The following ZFPM2 variants were observed in gnomAD, a reference collection of about 807,000 sequenced individuals.
The protein encoded by ZFPM2 is zinc finger protein, FOG family member 2, also known as zinc finger protein ZFPM2.
ZFPM2 carries 20 observed loss-of-function variants against 98.6 expected under a neutral mutation model. The observed-to-expected ratio is 0.20, with a 90% CI of 0.14 to 0.29. The LOEUF is 0.29. ZFPM2 is among the 10% of genes least tolerant of loss of function. ZFPM2 has a pLI of 1.00. For missense variants in ZFPM2, 1,310 were observed against 1,388.6 expected (o/e 0.94, Z 0.90); for synonymous variants, 518 against 502.7 (o/e 1.03, Z -0.41).
intron 5 of ZFPM2, among the ~76,000 whole-genome samples, chr8:105,734,230 G>A (rs1022212315): frequency 7.9e-5 from 12 of 151,828 alleles, no homozygotes; most frequent in African/African-American, 2.2e-4. Context: ...CCCCACCAGC[G>A]ATGACATATC....
At chr8:105,339,671 TC>T (rs1164703078) in intron 1 of ZFPM2, among the ~76,000 whole-genome samples, 1 of 151,894 alleles carries the variant, frequency 6.6e-6, no homozygotes, top group African/African-American at 2.4e-5. Context: ...AGTAGTTAGA[TC>T]AGAGTTGAAC....
chr8:105,763,240 C>G (rs895277183), intron 5 of ZFPM2, among the ~76,000 whole-genome samples: 1 of 151,666 alleles, frequency 6.6e-6, no homozygotes, highest in Non-Finnish European at 1.5e-5. Flanking sequence ...TTCTAGCATA[C>G]AGAATATTAG....
chr8:105,609,386 T>G (rs1355729486), intron 4 of ZFPM2, among the ~76,000 whole-genome samples: 3 of 152,134 alleles, frequency 2.0e-5, no homozygotes, highest in African/African-American at 7.2e-5. Context: ...AGTGGAAACT[T>G]ATCAAGTCAT....
At chr8:105,500,860 T>C (rs1357689355) in intron 3 of ZFPM2, among the ~76,000 whole-genome samples, 4 of 152,260 alleles carry the variant, frequency 2.6e-5, no homozygotes, top group African/African-American at 9.6e-5. Context: ...AAGGCAAATA[T>C]GTAGATGTCT....
At chr8:105,748,167 GAAAGGATA>G (rs1812391867) in intron 5 of ZFPM2, among the ~76,000 whole-genome samples, 1 of 151,996 alleles carries the variant, frequency 6.6e-6, no homozygotes. Flanking sequence ...ATAAAAGTTG[GAAAGGATA>G]AAAGGCTTTA....
intron 3 of ZFPM2, among the ~76,000 whole-genome samples, chr8:105,486,015 A>G (rs1813224297): frequency 6.6e-6 from 1 of 152,078 alleles, no homozygotes; most frequent in Non-Finnish European, 1.5e-5. Flanking sequence ...TGAGCTTTGG[A>G]TGACTCACAT....
intron 6 of ZFPM2, among the ~76,000 whole-genome samples, chr8:105,789,841 G>A (rs1232509938): frequency 2.0e-5 from 3 of 151,294 alleles, no homozygotes; most frequent in Admixed American, 6.6e-5. Flanking sequence ...GCCAGTGATG[G>A]TGAGCATTTT....
chr8:105,620,874 G>C lies in ZFPM2; in HGVS notation c.421-13372G>C, dbSNP rs918392790. Among the ~76,000 whole-genome samples the C allele has an allele frequency of 1.2e-4, 18 of 152,156 alleles. 1 individual carries two copies. Among genetic ancestry groups the C allele is most frequent in the South Asian group, 6.2e-4 (3 of 4,824 alleles). On this transcript the variant is annotated intron_variant, in intron 4 of 7. Transcript: ENST00000407775. ...TGGTATTATTTCTGAGGGCTCTGTTGTGTTCCATTGGTCTATATCTCTGTT... is the reference window on the plus strand; with the variant it reads ...TGGTATTATTTCTGAGGGCTCTGTTCTGTTCCATTGGTCTATATCTCTGTT...
intron 4 of ZFPM2, among the ~76,000 whole-genome samples, chr8:105,575,817 A>G (rs936397003): frequency 2.6e-5 from 4 of 152,140 alleles, no homozygotes; most frequent in African/African-American, 9.7e-5. Context: ...GTGGGTTCCT[A>G]TTTTATGGCT....
intron 5 of ZFPM2, among the ~76,000 whole-genome samples, chr8:105,705,045 T>A (rs955315654): frequency 6.6e-6 from 1 of 152,158 alleles, no homozygotes; most frequent in Non-Finnish European, 1.5e-5. Flanking sequence ...AGCCAGTATA[T>A]AATTAAGGGA....
At chr8:105,340,825 A>G (rs1196716797) in intron 1 of ZFPM2, among the ~76,000 whole-genome samples, 2 of 151,954 alleles carry the variant, frequency 1.3e-5, no homozygotes, top group Admixed American at 6.6e-5. Context: ...TGAATGTGCA[A>G]TGCAATTTCA....
intron 3 of ZFPM2, among the ~76,000 whole-genome samples, chr8:105,552,321 T>TA (rs1814874674): frequency 6.6e-6 from 1 of 152,176 alleles, no homozygotes; most frequent in Non-Finnish European, 1.5e-5. Flanking sequence ...CAAGTCCTCT[T>TA]ACTTCCAAGA....
intron 3 of ZFPM2, among the ~76,000 whole-genome samples, chr8:105,553,341 G>A (rs528622236): frequency 2.6e-5 from 4 of 152,222 alleles, no homozygotes; most frequent in Non-Finnish European, 5.9e-5. Context: ...ATATTTGGTA[G>A]CATATAAATG....
intron 2 of ZFPM2, among the ~76,000 whole-genome samples, chr8:105,434,653 C>A (rs112052195): frequency 2.8e-4 from 42 of 152,286 alleles, no homozygotes; most frequent in African/African-American, 1.0e-3. Flanking sequence ...TCTGTCACTT[C>A]TGAACTGTTC....
chr8:105,489,718 C>G (rs1366997734), intron 3 of ZFPM2, among the ~76,000 whole-genome samples: 1 of 151,666 alleles, frequency 6.6e-6, no homozygotes, highest in Non-Finnish European at 1.5e-5. Flanking sequence ...CCTGCCTTGG[C>G]TTCCCAAAGT....
At chr8:105,334,862 G>A (rs1217438033) in intron 1 of ZFPM2, among the ~76,000 whole-genome samples, 1 of 151,456 alleles carries the variant, frequency 6.6e-6, no homozygotes, top group Non-Finnish European at 1.5e-5. Context: ...TTTTATCCTT[G>A]AAAGTCTTCC....
chr8:105,591,745 A>G (rs372094444), intron 4 of ZFPM2, among the ~76,000 whole-genome samples: 3 of 152,186 alleles, frequency 2.0e-5, no homozygotes, highest in East Asian at 3.9e-4. Context: ...TTAGCTTGCT[A>G]AAATAACACA....
intron 5 of ZFPM2, among the ~76,000 whole-genome samples, chr8:105,726,828 A>G (rs556610478): frequency 6.6e-6 from 1 of 151,822 alleles, no homozygotes; most frequent in South Asian, 2.1e-4. Flanking sequence ...AAGTTTTGGA[A>G]GTAGAGAATT....
chr8:105,512,994 T>C (rs1156588313), intron 3 of ZFPM2, among the ~76,000 whole-genome samples: 1 of 152,146 alleles, frequency 6.6e-6, no homozygotes, highest in South Asian at 2.1e-4. Context: ...TTTAAAGGTA[T>C]TATTCTAGTT....
Sources: gnomAD v4.1 joint callset for allele counts (sites outside exome capture counted in the v4.1 genomes callset) on GRCh38, gnomAD v4.1.1 for gene constraint, MANE v1.5 for transcripts, NCBI Gene and HGNC (gene_info 2026-07-23, HGNC 2026-07-21) for gene names.